AFF3: variants seen among roughly 807,000 people sequenced by gnomAD.
AFF3 encodes ALF transcription elongation factor 3, also known as AF4/FMR2 family member 3.
In AFF3, 32 loss-of-function variants were observed where a neutral mutation model predicts 129.7. The ratio of observed to expected loss-of-function variants is 0.25; its 90% confidence interval spans 0.19 to 0.33. The LOEUF (loss-of-function observed/expected upper bound fraction) is 0.33, where lower values mean the gene tolerates loss of function less well. Ranked by LOEUF, AFF3 falls within the 10% of genes least tolerant of loss-of-function variation. The probability of loss-of-function intolerance (pLI) is 1.00; values close to 1 mark genes in which losing one functional copy is unlikely to be tolerated. For missense variants in AFF3, 1,373 were observed against 1,592.0 expected (o/e 0.86, Z 2.34); for synonymous variants, 644 against 635.4 (o/e 1.01, Z -0.20).
chr2:99,958,794 T>G (rs1676920736), intron 7 of AFF3, among the ~76,000 whole-genome samples: 2 of 151,536 alleles, frequency 1.3e-5, no homozygotes, highest in South Asian at 4.2e-4. Flanking sequence ...AGCCAGAGGA[T>G]TTTTGAGGGG....
intron 7 of AFF3, among the ~76,000 whole-genome samples, chr2:99,948,139 C>G (rs113709841): frequency 1.3e-4 from 20 of 152,172 alleles, no homozygotes; most frequent in Non-Finnish European, 2.5e-4. Flanking sequence ...TTCTCCCACG[C>G]GGGTCTGCGC....
At chr2:99,754,007 G>C (rs1681885887) in intron 8 of AFF3, among the ~76,000 whole-genome samples, 1 of 152,146 alleles carries the variant, frequency 6.6e-6, no homozygotes, top group African/African-American at 2.4e-5. Context: ...GTCATTCTCA[G>C]AGTTGGGCCA....
intron 7 of AFF3, among the ~76,000 whole-genome samples, chr2:99,943,643 T>C (rs1013480612): frequency 1.4e-4 from 22 of 152,234 alleles, no homozygotes; most frequent in Non-Finnish European, 2.9e-5. Flanking sequence ...TATCCTTTCA[T>C]AGATTCACTG....
At chr2:100,127,408 G>A (rs1253808657) in intron 2 of AFF3, among the ~76,000 whole-genome samples, 1 of 152,150 alleles carries the variant, frequency 6.6e-6, no homozygotes, top group African/African-American at 2.4e-5. Context: ...GTTCAGAAAG[G>A]TTGAGGACAT....
chr2:100,138,153 G>A (rs1000713543), intron 1 of AFF3, among the ~76,000 whole-genome samples: 7 of 152,136 alleles, frequency 4.6e-5, no homozygotes, highest in African/African-American at 1.7e-4. Flanking sequence ...TTCCCTTCCT[G>A]TTACCACCGC....
intron 7 of AFF3, among the ~76,000 whole-genome samples, chr2:99,879,791 TTGAG>T (rs1184234578): frequency 6.6e-6 from 1 of 152,226 alleles, no homozygotes; most frequent in Non-Finnish European, 1.5e-5. Context: ...CACCACTTTC[TTGAG>T]TATTTTATGT....
At chr2:100,023,955 G>A (rs867371906) in intron 4 of AFF3, among the ~76,000 whole-genome samples, 21 of 152,104 alleles carry the variant, frequency 1.4e-4, no homozygotes, top group Non-Finnish European at 2.5e-4. Context: ...TACAGAGGCC[G>A]GGCACGGTGG....
intron 12 of AFF3, among the ~76,000 whole-genome samples, chr2:99,660,023 T>C (rs1179090237): frequency 6.6e-6 from 1 of 152,194 alleles, no homozygotes; most frequent in Non-Finnish European, 1.5e-5. Flanking sequence ...AAGATGGCGA[T>C]GTCCATTAAT....
intron 10 of AFF3, among the ~76,000 whole-genome samples, chr2:99,742,092 A>G (rs1680768941): frequency 6.6e-6 from 1 of 152,186 alleles, no homozygotes; most frequent in South Asian, 2.1e-4. Context: ...GTGGTGGCTC[A>G]CACCTATAAT....
intron 13 of AFF3, among the ~76,000 whole-genome samples, chr2:99,620,232 C>T (rs1681860667): frequency 6.6e-6 from 1 of 152,206 alleles, no homozygotes; most frequent in Non-Finnish European, 1.5e-5. Flanking sequence ...CTGATAACCC[C>T]ACTGTGGGTC....
intron 13 of AFF3, among the ~76,000 whole-genome samples, chr2:99,635,006 T>C (rs1158499930): frequency 5.2e-5 from 5 of 95,630 alleles, no homozygotes; most frequent in African/African-American, 1.5e-4. Context: ...CACACACATA[T>C]GGTTGCTGTA....
At chr2:99,664,569 A>G (rs1350209370) in intron 12 of AFF3, among the ~76,000 whole-genome samples, 3 of 152,198 alleles carry the variant, frequency 2.0e-5, no homozygotes, top group Non-Finnish European at 4.4e-5. Context: ...TCTATAGCCA[A>G]TTTAAGATAT....
At position 99,548,081 on chromosome 2, in the gene AFF3, T is replaced by C. The variant is rs968195409; in HGVS notation, c.*3393A>G. On this transcript the variant is annotated 3_prime_UTR_variant, in exon 25 of 25. Coordinates refer to ENST00000672756, the MANE Select transcript of AFF3 (RefSeq NM_001386135.1). ...GCACATGAGTCTGATCTGTGTAGAGTAGTATCATCAAAAATGCCAAATTTT... is the reference window on the plus strand; with the variant it reads ...GCACATGAGTCTGATCTGTGTAGAGCAGTATCATCAAAAATGCCAAATTTT... The C allele has an allele frequency of 1.5e-5, 3 of 206,216 alleles. No homozygotes were observed. The highest frequency in any genetic ancestry group is 6.0e-5 in the Admixed American group (1 of 16,802). The allele number at this position is 206,216 out of a possible 1,614,324, so 12.8% of individuals were successfully genotyped here.
chr2:100,044,925 G>A (rs563205537), intron 4 of AFF3, among the ~76,000 whole-genome samples: 13 of 152,026 alleles, frequency 8.6e-5, no homozygotes, highest in Non-Finnish European at 1.8e-4. Context: ...AGACCATCAC[G>A]TCAAGCAGAC....
intron 13 of AFF3, among the ~76,000 whole-genome samples, chr2:99,644,975 A>C (rs2105542438): frequency 6.6e-6 from 1 of 152,344 alleles, no homozygotes; most frequent in African/African-American, 2.4e-5. Context: ...AGCAGTGAAT[A>C]AGTGAGACGA....
intron 4 of AFF3, among the ~76,000 whole-genome samples, chr2:100,088,260 T>C (rs1271539197): frequency 6.6e-6 from 1 of 151,958 alleles, no homozygotes; most frequent in Non-Finnish European, 1.5e-5. Flanking sequence ...TAATCATGTG[T>C]ATATATATAA....
intron 9 of AFF3, among the ~76,000 whole-genome samples, chr2:99,751,637 T>A (rs979763885): frequency 6.6e-6 from 1 of 152,222 alleles, no homozygotes; most frequent in Non-Finnish European, 1.5e-5. Context: ...TATAATTTGA[T>A]CCTTCATAAT....
At chr2:99,947,580 AAAG>A (rs1464991864) in intron 7 of AFF3, among the ~76,000 whole-genome samples, 4 of 111,810 alleles carry the variant, frequency 3.6e-5, no homozygotes, top group African/African-American at 3.8e-5. Context: ...AAAGAAAAGA[AAAG>A]AAAGAAAGAA....
chr2:99,912,514 A>T lies in AFF3; in HGVS notation c.874-74990T>A, dbSNP rs550728776. 7.9e-5 allele frequency among the ~76,000 whole-genome samples: 12 copies of T among 152,332 alleles called. No homozygotes were observed. In the South Asian group the frequency reaches 2.5e-3, roughly 32 times the overall value. On this transcript the variant is annotated intron_variant, in intron 7 of 24. Transcript: ENST00000672756. Reference sequence around the variant, plus strand: ...CCAGTGATTATGAAGATTTTTCTTCATTAGAGTAGCTTCCAATCATGCAGT... The same window carrying T: ...CCAGTGATTATGAAGATTTTTCTTCTTTAGAGTAGCTTCCAATCATGCAGT...
Sources: gnomAD v4.1 joint callset for allele counts (sites outside exome capture counted in the v4.1 genomes callset) on GRCh38, gnomAD v4.1.1 for gene constraint, MANE v1.5 for transcripts, NCBI Gene and HGNC (gene_info 2026-07-23, HGNC 2026-07-21) for gene names.